Variants in XIRP2 observed in about 807,000 individuals in gnomAD.
The protein encoded by XIRP2 is xin actin binding repeat containing 2.
XIRP2 carries 236 observed loss-of-function variants against 277.0 expected under a neutral mutation model. That is an observed-to-expected ratio of 0.85 (90% confidence interval 0.77 to 0.95). The LOEUF (loss-of-function observed/expected upper bound fraction) is 0.95. XIRP2 is among the 40% of genes least tolerant of loss of function. The pLI is 0.00. For missense variants in XIRP2, 4,640 were observed against 4,157.5 expected (o/e 1.12, Z -3.19); for synonymous variants, 1,490 against 1,416.5 (o/e 1.05, Z -1.17).
chr2:166,973,810 T>C (rs767431736), intron 2 of XIRP2, among the ~76,000 whole-genome samples: 72 of 152,226 alleles, frequency 4.7e-4, no homozygotes, highest in Non-Finnish European at 6.5e-4. Flanking sequence ...CATTTCTTAA[T>C]AAATATTCTT....
chr2:167,164,414 C>G (rs113319343), intron 3 of XIRP2, among the ~76,000 whole-genome samples: 14,358 of 141,178 alleles, frequency 0.1, 743 homozygotes, highest in Middle Eastern at 0.16. Flanking sequence ...CCACTGCAGT[C>G]CAGCCTGGGC....
chr2:167,193,155 G>T (rs1032406630), intron 3 of XIRP2, among the ~76,000 whole-genome samples: 1 of 152,068 alleles, frequency 6.6e-6, no homozygotes, highest in Non-Finnish European at 1.5e-5. Flanking sequence ...CACACCCTTT[G>T]GTTTCTCAAA....
chr2:167,031,018 C>CTTTTT (rs35008535), intron 2 of XIRP2, among the ~76,000 whole-genome samples: 2 of 144,216 alleles, frequency 1.4e-5, no homozygotes, highest in Non-Finnish European at 1.5e-5. Context: ...GCAAGCTTTG[C>CTTTTT]TTTTTTTTTT....
intron 2 of XIRP2, among the ~76,000 whole-genome samples, chr2:166,925,961 C>T (rs1685178062): frequency 6.6e-6 from 1 of 151,752 alleles, no homozygotes; most frequent in Non-Finnish European, 1.5e-5. Flanking sequence ...GTAGTCCCAT[C>T]TACTTGAGAG....
In XIRP2 at chr2:167,231,958, T is replaced by G. The variant is rs145899928; in HGVS notation, c.859-7897T>G. ...TCTCTGCAACTATATTCTGTACTGT[T>G]ACTGGATACAAATCCTCCTAGTCTT... is the stretch of plus-strand genomic sequence containing the variant. On this transcript the variant is annotated intron_variant, in intron 5 of 10. Coordinates refer to ENST00000409195, the MANE Select transcript of XIRP2 (RefSeq NM_152381.6). 6.6e-5 allele frequency among the ~76,000 whole-genome samples: 10 copies of G among 152,132 alleles called. No individual in the cohort carries two copies. In the East Asian group the frequency reaches 1.9e-3, roughly 30 times the overall value.
intron 10 of XIRP2, among the ~76,000 whole-genome samples, chr2:167,257,653 A>T (rs927315068): frequency 6.6e-6 from 1 of 152,004 alleles, no homozygotes; most frequent in Non-Finnish European, 1.5e-5. Flanking sequence ...GACACACATC[A>T]TAAAATTCTA....
At chr2:166,927,074 C>T (rs1325087971) in intron 2 of XIRP2, among the ~76,000 whole-genome samples, 1 of 152,172 alleles carries the variant, frequency 6.6e-6, no homozygotes, top group Non-Finnish European at 1.5e-5. Flanking sequence ...TTTTCTGGGG[C>T]TATTTTCAAG....
rs767329718 is a variant in XIRP2, at chr2:167,248,900, C to A, written c.7508C>A (p.Thr2503Lys). ...SIDSANCLSH[T>K]VPGTSAPRKK... ...GACTCTGCAAACTGTCTCTCACACACAGTTCCAGGAACTTCAGCACCCAGG... is the reference window on the plus strand; with the variant it reads ...GACTCTGCAAACTGTCTCTCACACAAAGTTCCAGGAACTTCAGCACCCAGG... The change falls in exon 9 of 11, where the codon ACA becomes AAA. Residue 2503 changes from threonine to lysine, a missense_variant. Transcript: ENST00000409195. The A allele has an allele frequency of 6.2e-7, 1 of 1,613,642 alleles. No individual in the cohort carries two copies. The highest frequency in any genetic ancestry group is 1.7e-5 in the Admixed American group (1 of 59,950).
At chr2:167,233,285 A>G (rs1220527611) in intron 5 of XIRP2, among the ~76,000 whole-genome samples, 2 of 151,990 alleles carry the variant, frequency 1.3e-5, no homozygotes, top group Non-Finnish European at 2.9e-5. Flanking sequence ...CAGATAATAA[A>G]TAAAATTTTA....
At chr2:167,150,649 A>G (rs1403970975) in intron 3 of XIRP2, among the ~76,000 whole-genome samples, 3 of 152,002 alleles carry the variant, frequency 2.0e-5, no homozygotes, top group Non-Finnish European at 4.4e-5. Context: ...TTTATTTAAC[A>G]TTTTATAGGA....
chr2:167,210,643 A>T (rs772440004), intron 3 of XIRP2, 92 bp from the exon 4 acceptor site: 94 of 1,477,564 alleles, frequency 6.4e-5, no homozygotes, highest in Middle Eastern at 1.8e-4. Flanking sequence ...TTACGAGATC[A>T]AGTATTTTAA....
At chr2:167,137,002 T>C (rs1046524383) in intron 3 of XIRP2, among the ~76,000 whole-genome samples, 1 of 152,182 alleles carries the variant, frequency 6.6e-6, no homozygotes, top group African/African-American at 2.4e-5. Context: ...TGCAGAACCT[T>C]CGGCCTCACA....
At chr2:167,032,428 A>T (rs1574187190) in intron 2 of XIRP2, among the ~76,000 whole-genome samples, 1 of 152,098 alleles carries the variant, frequency 6.6e-6, no homozygotes, top group East Asian at 1.9e-4. Flanking sequence ...GCAACTGCAG[A>T]AAAAGCCAAA....
At chr2:166,978,172 T>A (rs1686766167) in intron 2 of XIRP2, among the ~76,000 whole-genome samples, 1 of 152,272 alleles carries the variant, frequency 6.6e-6, no homozygotes, top group Middle Eastern at 3.4e-3. Context: ...TTTGTTGAAA[T>A]TAAATTAAGT....
In XIRP2 at chr2:167,248,427, T is replaced by G; in HGVS notation, c.7035T>G (p.Pro2345=). The G allele has an allele frequency of 6.2e-7, 1 of 1,613,820 alleles. No individual in the cohort carries two copies. The highest frequency in any genetic ancestry group is 8.5e-7 in the Non-Finnish European group (1 of 1,179,846). Residue 2345 remains proline (P), a synonymous_variant, in exon 9 of 11, where the codon CCT becomes CCG. Transcript: ENST00000409195. ...KAEFESFPGL[P]LPPPPVDEKS... ...AATTTGAAAGTTTTCCAGGCCTCCCTCTTCCTCCACCTCCAGTAGATGAGA... is the reference window on the plus strand; with the variant it reads ...AATTTGAAAGTTTTCCAGGCCTCCCGCTTCCTCCACCTCCAGTAGATGAGA...
intron 5 of XIRP2, among the ~76,000 whole-genome samples, chr2:167,229,730 T>C (rs1204496297): frequency 6.6e-6 from 1 of 152,054 alleles, no homozygotes; most frequent in Admixed American, 6.6e-5. Flanking sequence ...CAAATTATCA[T>C]GCTAAAAAAA....
chr2:167,162,217 G>C (rs1194987520), intron 3 of XIRP2, among the ~76,000 whole-genome samples: 3 of 152,142 alleles, frequency 2.0e-5, no homozygotes, highest in Non-Finnish European at 4.4e-5. Flanking sequence ...CCTCCAAACT[G>C]TTCCAACATC....
chr2:166,979,369 C>CTTTTTTTTTTTTTTTTTTTTT (rs66909002), intron 2 of XIRP2, among the ~76,000 whole-genome samples: 3 of 108,524 alleles, frequency 2.8e-5, no homozygotes, highest in African/African-American at 3.4e-5. Flanking sequence ...CTTTTCTTTT[C>CTTTTTTTTTTTTTTTTTTTTT]TTTTTTTTTT....
At chr2:167,110,400 T>G (rs1001549698) in intron 2 of XIRP2, among the ~76,000 whole-genome samples, 2 of 152,230 alleles carry the variant, frequency 1.3e-5, no homozygotes, top group African/African-American at 4.8e-5. Flanking sequence ...TAGCCAGTTA[T>G]CCCAACACAA....
Sources: gnomAD v4.1 joint callset for allele counts (sites outside exome capture counted in the v4.1 genomes callset) on GRCh38, gnomAD v4.1.1 for gene constraint, MANE v1.5 for transcripts, NCBI Gene and HGNC (gene_info 2026-07-23, HGNC 2026-07-21) for gene names.